MBP: variants seen among roughly 807,000 people sequenced by gnomAD.
MBP encodes myelin basic protein.
In MBP, 16 loss-of-function variants were observed where a neutral mutation model predicts 35.8. That is an observed-to-expected ratio of 0.45 (90% CI 0.30 to 0.68). MBP has a LOEUF of 0.68. MBP is among the 30% of genes least tolerant of loss of function. The pLI, the probability that MBP is intolerant of heterozygous loss-of-function variation, is 0.08. For synonymous variants in MBP, 143 were observed against 159.6 expected, an observed-to-expected ratio of 0.90 and a Z score of 0.78; for missense variants, 380 against 404.7, an observed-to-expected ratio of 0.94 and a Z score of 0.52.
In MBP at chr18:77,102,372, C is replaced by T. The variant is rs906411519; in HGVS notation, c.51+2839G>A. Among the ~76,000 whole-genome samples the T allele has an allele frequency of 1.4e-4, 22 of 152,298 alleles. No homozygotes were observed. The highest frequency in any genetic ancestry group is 9.2e-4 in the Admixed American group (14 of 15,300). ...ATGTGCAGAGTGGTAGGTGACACGG[C>T]TGGAGCTCATGTCACGTTTTCTTTT... On this transcript the variant is annotated intron_variant, in intron 2 of 8. Coordinates refer to ENST00000355994, the MANE Select transcript of MBP (RefSeq NM_001025101.2). This position sits in a 1 kb window ranked among gnomAD's most constrained non-coding sequence, Gnocchi z 4.4.
In MBP at chr18:76,989,079, G is replaced by A. The variant is rs1969744155; in HGVS notation, c.682-167C>T. The A allele has an allele frequency of 2.7e-6, 2 of 741,704 alleles. No homozygotes were observed. Among genetic ancestry groups the A allele is most frequent in the African/African-American group, 3.4e-5 (2 of 58,158 alleles). 45.9% of individuals were successfully genotyped at this position (741,704 alleles called of 1,614,324 possible). ...CTAGTTGGTGAAGAAGTATAGACCT[G>A]AGATTGAAAATATTCTAGATGATGC... On this transcript the variant is annotated intron_variant, in intron 5 of 8. Transcript: ENST00000355994. This position sits in a 1 kb window ranked among gnomAD's most constrained non-coding sequence, Gnocchi z 4.0.
intron 3 of MBP, among the ~76,000 whole-genome samples, chr18:77,037,662 C>T (rs934870754): frequency 2.2e-4 from 34 of 152,204 alleles, no homozygotes; most frequent in South Asian, 4.1e-4. Context: ...TATTTACCAG[C>T]CTTCGCCTTT....
chr18:77,106,390 G>A (rs935548089), intron 1 of MBP, among the ~76,000 whole-genome samples: 4 of 152,074 alleles, frequency 2.6e-5, no homozygotes, highest in African/African-American at 9.7e-5. Flanking sequence ...TTCTGCAGGC[G>A]GGCACCCCCA....
intron 3 of MBP, among the ~76,000 whole-genome samples, chr18:77,026,855 G>T (rs988356859): frequency 3.6e-4 from 55 of 152,218 alleles, no homozygotes; most frequent in African/African-American, 1.3e-3. Context: ...AACAGAGCAA[G>T]ACCCCGTCTC....
intron 3 of MBP, among the ~76,000 whole-genome samples, chr18:77,058,203 C>T (rs1023850831): frequency 6.6e-5 from 10 of 152,304 alleles, no homozygotes; most frequent in African/African-American, 2.2e-4. Flanking sequence ...GCATCCCCTC[C>T]CCAGCCCTGG....
chr18:77,057,863 G>C (rs1174924162), intron 3 of MBP, among the ~76,000 whole-genome samples: 1 of 28,998 alleles, frequency 3.4e-5, no homozygotes, highest in Non-Finnish European at 5.5e-5. Flanking sequence ...GTCTCGCTCT[G>C]TTGCCCAGGC....
intron 1 of MBP, among the ~76,000 whole-genome samples, chr18:77,128,735 T>C (rs1977141997): frequency 6.6e-6 from 1 of 152,222 alleles, no homozygotes; most frequent in African/African-American, 2.4e-5. Flanking sequence ...AACAGGGTTT[T>C]ACTACATTGC....
upstream of MBP, chr18:77,133,397 A>G (rs9966986): frequency 0.29 from 43,633 of 152,252 alleles, 6,455 homozygotes; most frequent in East Asian, 0.32. Context: ...CGTGCGCGGA[A>G]AAGACAGCAA....
At chr18:76,985,174 A>T in intron 7 of MBP, 2 of 1,487,324 alleles carry the variant, frequency 1.3e-6, no homozygotes, top group Non-Finnish European at 1.8e-6. Flanking sequence ...TATTTTAAGG[A>T]TCTAAGTCGT....
At chr18:77,116,561 T>TA (rs1272375199) in intron 1 of MBP, among the ~76,000 whole-genome samples, 1 of 152,198 alleles carries the variant, frequency 6.6e-6, no homozygotes, top group Non-Finnish European at 1.5e-5. Flanking sequence ...TATAGCTTCT[T>TA]AGTCCTGTCT....
rs1301307981 is a variant in MBP, at chr18:76,989,947, G to A, written c.681+9C>T. On this transcript the variant is annotated intron_variant, in intron 5 of 8. Coordinates refer to ENST00000355994, the MANE Select transcript of MBP (RefSeq NM_001025101.2). The surrounding 1 kb of genome is among the most constrained non-coding windows in gnomAD (Gnocchi z 4.0). ...CAGTTGCTACCTCTTCCCATCGATC[G>A]TCACTTACAATGTTCTTGAAGAAGT... 1.9e-6 allele frequency: 3 copies of A among 1,606,270 alleles called. No individual in the cohort carries two copies. The highest frequency in any genetic ancestry group is 1.3e-5 in the African/African-American group (1 of 74,682).
intron 1 of MBP, among the ~76,000 whole-genome samples, chr18:77,106,805 C>T (rs12606687): frequency 0.18 from 28,041 of 152,140 alleles, 2,987 homozygotes; most frequent in East Asian, 0.41. Context: ...GCTACCTTTG[C>T]GGATGATTTC....
intron 2 of MBP, chr18:77,097,127 C>T: frequency 6.6e-6 from 1 of 152,590 alleles, no homozygotes; most frequent in Non-Finnish European, 1.5e-5. Context: ...ACCAACAGGG[C>T]AACACAAGTG....
At chr18:77,004,113 G>C (rs1439143761) in intron 4 of MBP, 1 of 152,162 alleles carries the variant, frequency 6.6e-6, no homozygotes, top group Non-Finnish European at 1.5e-5. Context: ...GGGCCATGCT[G>C]TCTCCCCTTT....
intron 1 of MBP, among the ~76,000 whole-genome samples, chr18:77,121,733 T>C (rs1976890244): frequency 6.6e-6 from 1 of 152,204 alleles, no homozygotes; most frequent in South Asian, 2.1e-4. Flanking sequence ...TGAAATACAA[T>C]TGATTTATAT....
chr18:77,050,414 C>T (rs1385959917), intron 3 of MBP, among the ~76,000 whole-genome samples: 2 of 152,096 alleles, frequency 1.3e-5, no homozygotes, highest in Admixed American at 6.5e-5. Flanking sequence ...AGATTATTTG[C>T]TTTTTTTCCT....
chr18:77,119,719 C>T (rs1406847844), intron 1 of MBP, among the ~76,000 whole-genome samples: 1 of 152,158 alleles, frequency 6.6e-6, no homozygotes, highest in Admixed American at 6.5e-5. Flanking sequence ...AAAACCGAAG[C>T]CTTGATTCTG....
chr18:77,124,035 G>T (rs1163092065), intron 1 of MBP, among the ~76,000 whole-genome samples: 1 of 152,086 alleles, frequency 6.6e-6, no homozygotes, highest in Non-Finnish European at 1.5e-5. Flanking sequence ...TTGCCTGCAG[G>T]GCAGCATGGG....
At chr18:76,982,516 T>A (rs1969267288) in intron 8 of MBP, 1 of 152,238 alleles carries the variant, frequency 6.6e-6, no homozygotes, top group South Asian at 2.1e-4. Flanking sequence ...GATGCTCCTA[T>A]GATGTTCTGA....
Sources: allele counts gnomAD v4.1 joint callset (sites outside exome capture counted in the v4.1 genomes callset), GRCh38; gene constraint gnomAD v4.1.1; non-coding constraint Gnocchi (gnomAD v3.1); transcripts MANE v1.5; gene names NCBI Gene and HGNC (gene_info 2026-07-23, HGNC 2026-07-21).